Variants in RGL1 observed in about 807,000 individuals in gnomAD.
RGL1 encodes ral guanine nucleotide dissociation stimulator like 1, also known as ral guanine nucleotide dissociation stimulator-like 1.
In RGL1, 24 loss-of-function variants were observed where a neutral mutation model predicts 95.2. The observed-to-expected ratio is 0.25, with a 90% CI of 0.18 to 0.35. The LOEUF is 0.35. Ranked by LOEUF, RGL1 falls within the 10% of genes least tolerant of loss-of-function variation. The pLI, the probability that RGL1 is intolerant of heterozygous loss-of-function variation, is 1.00. For missense variants in RGL1, 715 were observed against 936.3 expected (o/e 0.76, Z 3.08); for synonymous variants, 329 against 344.9 (o/e 0.95, Z 0.51).
At chr1:183,868,762 C>T (rs887077372) in intron 4 of RGL1, among the ~76,000 whole-genome samples, 4 of 152,102 alleles carry the variant, frequency 2.6e-5, no homozygotes, top group African/African-American at 9.7e-5. Flanking sequence ...GAACTCAGTC[C>T]AATCTAGAGC....
intron 2 of RGL1, among the ~76,000 whole-genome samples, chr1:183,781,144 T>C (rs1368679272): frequency 6.6e-6 from 1 of 152,196 alleles, no homozygotes; most frequent in African/African-American, 2.4e-5. Flanking sequence ...CTTATCAAAA[T>C]CTCTTTTCTG....
intron 2 of RGL1, among the ~76,000 whole-genome samples, chr1:183,759,195 G>A (rs567102822): frequency 6.6e-6 from 1 of 152,282 alleles, no homozygotes; most frequent in South Asian, 2.1e-4. Context: ...ATTCTGCATG[G>A]GAAGACACGA....
intron 3 of RGL1, among the ~76,000 whole-genome samples, chr1:183,856,997 T>C (rs946700528): frequency 3.3e-5 from 5 of 152,130 alleles, no homozygotes; most frequent in Admixed American, 6.5e-5. Flanking sequence ...AACCTGGGAA[T>C]ATGTTAGGTT....
intron 1 of RGL1, among the ~76,000 whole-genome samples, chr1:183,728,582 C>T (rs1157201652): frequency 1.3e-5 from 2 of 151,930 alleles, no homozygotes; most frequent in East Asian, 3.8e-4. Flanking sequence ...TTCAGTTCCT[C>T]GAATTGATTT....
At chr1:183,904,802 T>C in intron 12 of RGL1, 48 bp from the exon 13 acceptor site, 2 of 1,561,694 alleles carry the variant, frequency 1.3e-6, no homozygotes, top group Non-Finnish European at 1.7e-6. Flanking sequence ...TGGTTGGCCT[T>C]ATTATTCAGT....
At chr1:183,830,909 A>G (rs1282839292) in intron 2 of RGL1, among the ~76,000 whole-genome samples, 1 of 152,198 alleles carries the variant, frequency 6.6e-6, no homozygotes, top group African/African-American at 2.4e-5. Context: ...CATGCATTGA[A>G]TTCAGATTTA....
intron 1 of RGL1, among the ~76,000 whole-genome samples, chr1:183,687,686 A>G (rs1406827873): frequency 1.3e-5 from 2 of 152,166 alleles, no homozygotes; most frequent in Non-Finnish European, 2.9e-5. Flanking sequence ...TGCTTCAACA[A>G]TGATGTAAAA....
At chr1:183,843,167 A>G (rs531478701) in intron 2 of RGL1, among the ~76,000 whole-genome samples, 37 of 152,326 alleles carry the variant, frequency 2.4e-4, no homozygotes, top group African/African-American at 6.0e-4. Context: ...CTTAACATGC[A>G]TTGTTATTTT....
intron 1 of RGL1, among the ~76,000 whole-genome samples, chr1:183,707,213 A>G (rs1033170802): frequency 1.7e-4 from 26 of 152,160 alleles, no homozygotes; most frequent in Admixed American, 2.6e-4. Flanking sequence ...TTGTATCAGC[A>G]TGCGCCTGAG....
At chr1:183,636,400 C>T (rs1213441250) in exon 1 of RGL1, 2 of 385,168 alleles carry the variant, frequency 5.2e-6, no homozygotes, top group African/African-American at 4.1e-5. Flanking sequence ...AACTACCCTT[C>T]TTGGCCAGCG....
chr1:183,892,243 T>A, intron 9 of RGL1, 82 bp downstream of exon 9: 2 of 1,012,908 alleles, frequency 2.0e-6, no homozygotes, highest in Non-Finnish European at 2.9e-6. Flanking sequence ...GAGGGCTCCT[T>A]AAGTTCCTTC....
At chr1:183,668,280 A>C (rs1572250487) in intron 1 of RGL1, among the ~76,000 whole-genome samples, 1 of 152,056 alleles carries the variant, frequency 6.6e-6, no homozygotes, top group Admixed American at 6.6e-5. Flanking sequence ...CTGAGGAAGT[A>C]TTTCTCTTTC....
At position 183,760,857 on chromosome 1, in the gene RGL1, C is replaced by T. The variant is rs535862703; in HGVS notation, c.132+18568C>T. Among the ~76,000 whole-genome samples the T allele has an allele frequency of 1.5e-4, 23 of 152,332 alleles. No homozygotes were observed. In the East Asian group the frequency reaches 1.9e-3, roughly 13 times the overall value. ...TCCTTTGTTGTCATTTCACCACATT[C>T]GCAGCCCATTCCTCAGGAGTAGATT... On this transcript the variant is annotated intron_variant, in intron 2 of 18. Coordinates refer to the RGL1 transcript ENST00000304685.
intron 2 of RGL1, among the ~76,000 whole-genome samples, chr1:183,744,666 CT>C (rs1440117928): frequency 6.6e-6 from 1 of 152,142 alleles, no homozygotes; most frequent in East Asian, 1.9e-4. Context: ...TTATATAAGC[CT>C]TGTACTGTAC....
chr1:183,767,571 T>C (rs570901798), intron 2 of RGL1, among the ~76,000 whole-genome samples: 2 of 152,318 alleles, frequency 1.3e-5, no homozygotes, highest in African/African-American at 2.4e-5. Context: ...CTATGCAGAA[T>C]AGAAAATATA....
chr1:183,839,695 C>T (rs1294365283), intron 2 of RGL1, among the ~76,000 whole-genome samples: 1 of 152,182 alleles, frequency 6.6e-6, no homozygotes, highest in East Asian at 1.9e-4. Context: ...CACAGAGTCT[C>T]AGCTCCTTAG....
At chr1:183,717,938 TATTTCTGTTAAA>T (rs1217192370) in intron 1 of RGL1, among the ~76,000 whole-genome samples, 1 of 152,120 alleles carries the variant, frequency 6.6e-6, no homozygotes, top group East Asian at 1.9e-4. Context: ...AAGCAGAGCT[TATTTCTGTTAAA>T]AAGAGCTTGT....
chr1:183,736,114 C>T (rs1251665082), intron 1 of RGL1, among the ~76,000 whole-genome samples: 1 of 152,024 alleles, frequency 6.6e-6, no homozygotes, highest in Non-Finnish European at 1.5e-5. Flanking sequence ...TAGTCAAAAC[C>T]CCGATATTAT....
intron 2 of RGL1, among the ~76,000 whole-genome samples, chr1:183,837,705 G>C (rs966320958): frequency 6.6e-6 from 1 of 152,126 alleles, no homozygotes; most frequent in Non-Finnish European, 1.5e-5. Context: ...AATTCATAAC[G>C]CCTTAGTTCA....
Sources: allele counts gnomAD v4.1 joint callset (sites outside exome capture counted in the v4.1 genomes callset), GRCh38; gene constraint gnomAD v4.1.1; transcripts MANE v1.5; gene names NCBI Gene and HGNC (gene_info 2026-07-23, HGNC 2026-07-21).